Variants in GSG1L observed in about 807,000 individuals in gnomAD.
The protein encoded by GSG1L is GSG1 like, also known as germ cell-specific gene 1-like protein.
GSG1L carries 24 observed loss-of-function variants against 42.1 expected under a neutral mutation model. The observed-to-expected ratio is 0.57, with a 90% confidence interval of 0.41 to 0.80. The LOEUF is 0.80. Ranked by LOEUF, GSG1L falls within the 30% of genes least tolerant of loss-of-function variation. GSG1L has a pLI of 0.00. For missense variants in GSG1L, 445 were observed against 472.2 expected (o/e 0.94, Z 0.53); for synonymous variants, 215 against 203.5 (o/e 1.06, Z -0.48).
intron 2 of GSG1L, among the ~76,000 whole-genome samples, chr16:27,930,022 G>A (rs2084638109): frequency 6.6e-6 from 1 of 152,132 alleles, no homozygotes; most frequent in Non-Finnish European, 1.5e-5. Context: ...GTGTGTGTAT[G>A]AGAGTCAGAG....
chr16:27,845,672 G>A (rs770503330), intron 3 of GSG1L, among the ~76,000 whole-genome samples: 6 of 152,170 alleles, frequency 3.9e-5, no homozygotes, highest in Admixed American at 6.5e-5. Flanking sequence ...GGCTGCTAAT[G>A]GGAGAATGGG....
intron 2 of GSG1L, among the ~76,000 whole-genome samples, chr16:27,901,678 T>C (rs1433457379): frequency 6.6e-6 from 1 of 152,236 alleles, no homozygotes; most frequent in Admixed American, 6.5e-5. Context: ...GCACGGGCCA[T>C]TTTATGAGAA....
intron 2 of GSG1L, among the ~76,000 whole-genome samples, chr16:27,918,862 A>G (rs1490074320): frequency 5.9e-5 from 9 of 152,082 alleles, no homozygotes; most frequent in African/African-American, 1.7e-4. Context: ...ATGAAATTCT[A>G]TGGGAGACAC....
chr16:27,812,412 T>C (rs939367091), intron 5 of GSG1L, among the ~76,000 whole-genome samples: 2 of 152,234 alleles, frequency 1.3e-5, no homozygotes, highest in South Asian at 2.1e-4. Flanking sequence ...TGTGAGGCTT[T>C]GCAAGCCATA....
At chr16:28,049,081 G>A (rs566083679) in intron 1 of GSG1L, among the ~76,000 whole-genome samples, 2 of 152,088 alleles carry the variant, frequency 1.3e-5, no homozygotes, top group Non-Finnish European at 1.5e-5. Context: ...TCTCTCTGGA[G>A]GTCTGGAAAG....
In GSG1L at chr16:27,961,617, G is replaced by A. The variant is rs533344359; in HGVS notation, c.397+1539C>T. ...CTCAGTTGATGCTTGCGACGTGCTT[G>A]GCACTGTATCCGGCACATAGTAACT... is the stretch of plus-strand genomic sequence containing the variant. On this transcript the variant is annotated intron_variant, in intron 2 of 6. Coordinates refer to ENST00000447459, the MANE Select transcript of GSG1L (RefSeq NM_001109763.2). Among the ~76,000 whole-genome samples, 9 of 152,326 alleles carry A rather than the reference G, an allele frequency of 5.9e-5. No homozygotes were observed. The East Asian group carries it at 1.7e-3, about 29-fold the overall frequency.
In GSG1L at chr16:27,951,404, G is replaced by A. The variant is rs560081246; in HGVS notation, c.397+11752C>T. ...TTGAAATGTCTGTCTCTTTGAAATG[G>A]AAAGAATCACAGCTTCCATGTTTCT... On this transcript the variant is annotated intron_variant, in intron 2 of 6. Transcript: ENST00000447459. 2.6e-5 allele frequency among the ~76,000 whole-genome samples: 4 copies of A among 152,154 alleles called. No homozygotes were observed. In the South Asian group the frequency reaches 8.3e-4, roughly 32 times the overall value.
chr16:27,818,166 G>A (rs1822426767), intron 5 of GSG1L, among the ~76,000 whole-genome samples: 1 of 152,134 alleles, frequency 6.6e-6, no homozygotes, highest in Admixed American at 6.5e-5. Flanking sequence ...GGTCCTGGTG[G>A]CAAATGGCCA....
intron 1 of GSG1L, among the ~76,000 whole-genome samples, chr16:28,007,271 A>G (rs1567553369): frequency 1.3e-5 from 2 of 152,166 alleles, no homozygotes; most frequent in South Asian, 2.1e-4. Flanking sequence ...TCAAAAAAAG[A>G]TGATATGATG....
intron 1 of GSG1L, among the ~76,000 whole-genome samples, chr16:27,967,478 GCAGGA>G: frequency 1.3e-5 from 2 of 152,330 alleles, no homozygotes; most frequent in Middle Eastern, 6.8e-3. Flanking sequence ...GTACTGAGAT[GCAGGA>G]CTCACACCTT....
At chr16:27,888,101 T>C in intron 2 of GSG1L, 1 of 985,414 alleles carries the variant, frequency 1.0e-6, no homozygotes, top group Non-Finnish European at 1.2e-6. Context: ...TTCCAGCCCC[T>C]GTTGGTGCTG....
At chr16:28,017,433 C>T (rs945820742) in intron 1 of GSG1L, among the ~76,000 whole-genome samples, 14 of 152,214 alleles carry the variant, frequency 9.2e-5, no homozygotes, top group East Asian at 1.9e-4. Flanking sequence ...GAAAGTAATA[C>T]GTCTTTCCCT....
chr16:28,051,984 AG>A (rs910190706), intron 1 of GSG1L, among the ~76,000 whole-genome samples: 1 of 152,122 alleles, frequency 6.6e-6, no homozygotes, highest in Admixed American at 6.6e-5. Flanking sequence ...GGCTCAGACC[AG>A]GGGGGCGGAG....
At chr16:27,961,151 G>T (rs1199095840) in intron 2 of GSG1L, among the ~76,000 whole-genome samples, 4 of 152,190 alleles carry the variant, frequency 2.6e-5, no homozygotes, top group East Asian at 3.9e-4. Context: ...ACATGTGCAC[G>T]CATGTGTACA....
rs1000631415 is a variant in GSG1L at position 27,788,987 on chromosome 16, A to T, written c.*2383T>A. Reference sequence around the variant, plus strand: ...AAGTGCCTACCACAGTGCTTGGCACATAGTAGGGGCACAGTGAACTATATC... The same window carrying T: ...AAGTGCCTACCACAGTGCTTGGCACTTAGTAGGGGCACAGTGAACTATATC... On this transcript the variant is annotated 3_prime_UTR_variant, in exon 7 of 7. Transcript: ENST00000447459. The T allele has an allele frequency of 2.6e-5, 4 of 152,280 alleles. No individual in the cohort carries two copies. The highest frequency in any genetic ancestry group is 5.9e-5 in the Non-Finnish European group (4 of 68,056). The allele number at this position is 152,280 out of a possible 1,614,324, so 9.4% of individuals were successfully genotyped here. A position where few individuals can be genotyped will look rare whatever the true frequency, so the allele number is the denominator to read the frequency against.
intron 1 of GSG1L, among the ~76,000 whole-genome samples, chr16:28,004,906 AC>A (rs1366375731): frequency 4.6e-5 from 7 of 152,326 alleles, no homozygotes; most frequent in African/African-American, 1.4e-4. Flanking sequence ...CCAAAGACTG[AC>A]GACTGCCTGG....
intron 2 of GSG1L, among the ~76,000 whole-genome samples, chr16:27,897,935 G>T (rs545944844): frequency 1.0e-3 from 159 of 152,350 alleles, no homozygotes; most frequent in African/African-American, 3.7e-3. Flanking sequence ...CTCTGTAAAC[G>T]GCAGCCTATG....
At chr16:27,896,604 GA>G (rs1055629853) in intron 2 of GSG1L, among the ~76,000 whole-genome samples, 37 of 152,136 alleles carry the variant, frequency 2.4e-4, no homozygotes, top group African/African-American at 7.9e-4. Flanking sequence ...CGAAGGCATA[GA>G]AAAAAAAGAT....
intron 5 of GSG1L, among the ~76,000 whole-genome samples, chr16:27,812,815 G>A (rs999686158): frequency 6.6e-6 from 1 of 151,960 alleles, no homozygotes; most frequent in Admixed American, 6.6e-5. Context: ...TTGAGACAGA[G>A]TCTTACTCTC....
Sources: gnomAD v4.1 joint callset for allele counts (sites outside exome capture counted in the v4.1 genomes callset) on GRCh38, gnomAD v4.1.1 for gene constraint, MANE v1.5 for transcripts, NCBI Gene and HGNC (gene_info 2026-07-23, HGNC 2026-07-21) for gene names.